Variants in ANKFY1 observed in about 807,000 individuals in gnomAD.
The protein encoded by ANKFY1 is ankyrin repeat and FYVE domain containing 1.
Under a neutral mutation model 128.3 loss-of-function variants are expected in ANKFY1, and 47 were observed. That is an observed-to-expected ratio of 0.37 (90% confidence interval 0.29 to 0.47). The LOEUF (loss-of-function observed/expected upper bound fraction) is 0.47. Among genes scored for constraint, ANKFY1 ranks in the 20% least tolerant of loss-of-function variants. The pLI is 1.00. For synonymous variants in ANKFY1, 553 were observed against 601.6 expected (o/e 0.92, Z 1.18); for missense variants, 1,222 against 1,510.6 (o/e 0.81, Z 3.17).
At chr17:4,216,157 C>G (rs1426578878) in intron 4 of ANKFY1, among the ~76,000 whole-genome samples, 2 of 152,176 alleles carry the variant, frequency 1.3e-5, no homozygotes, top group South Asian at 4.1e-4. Context: ...CAGCCCATGA[C>G]GAAAACAGCA....
chr17:4,187,421 T>G (rs191133453), intron 11 of ANKFY1: 8 of 396,170 alleles, frequency 2.0e-5, no homozygotes, highest in Non-Finnish European at 3.6e-5. Context: ...GGCAGTTTTC[T>G]CAGCTCCAGA....
At chr17:4,179,281 CAT>C (rs766535085) in intron 17 of ANKFY1, 34 of 591,372 alleles carry the variant, frequency 5.7e-5, no homozygotes, top group Admixed American at 3.2e-4. Flanking sequence ...CCAGCACAAA[CAT>C]GTGTTTCACA....
At chr17:4,224,214 G>GTTTTTT (rs33995900) in intron 3 of ANKFY1, among the ~76,000 whole-genome samples, 1 of 66,722 alleles carries the variant, frequency 1.5e-5, no homozygotes. Flanking sequence ...CACCTTTGAA[G>GTTTTTT]TTTTTTTTTT....
At position 4,255,486 on chromosome 17, in the gene ANKFY1, G is replaced by A. The variant is rs1968068797; in HGVS notation, c.10+8446C>T. ...GCTGGTCTTGAACTCCTGACCTGAG[G>A]TGATCCCCTGGCCTCGGCCTCCCAA... On this transcript the variant is annotated intron_variant, in intron 1 of 24. Transcript: ENST00000341657. Among the ~76,000 whole-genome samples the A allele has an allele frequency of 2.6e-5, 4 of 152,112 alleles. No homozygotes were observed. In the South Asian group the frequency reaches 8.3e-4, roughly 32 times the overall value.
At chr17:4,257,762 T>A (rs758186762) in intron 1 of ANKFY1, among the ~76,000 whole-genome samples, 38 of 152,250 alleles carry the variant, frequency 2.5e-4, no homozygotes, top group Non-Finnish European at 7.3e-5. Context: ...AAGCTTTAGT[T>A]CTGGCTATTC....
At chr17:4,220,011 G>A (rs944557911) in intron 3 of ANKFY1, among the ~76,000 whole-genome samples, 3 of 152,142 alleles carry the variant, frequency 2.0e-5, no homozygotes, top group African/African-American at 7.2e-5. Context: ...TTTTAGTTGA[G>A]ATGGGGTTTC....
intron 1 of ANKFY1, among the ~76,000 whole-genome samples, chr17:4,243,048 TCTC>T (rs1266236754): frequency 6.6e-6 from 1 of 152,112 alleles, no homozygotes; most frequent in African/African-American, 2.4e-5. Flanking sequence ...TTAATCTCTC[TCTC>T]TTTTTTTGTT....
chr17:4,261,709 G>C (rs1457995847), intron 1 of ANKFY1, among the ~76,000 whole-genome samples: 1 of 152,218 alleles, frequency 6.6e-6, no homozygotes, highest in Non-Finnish European at 1.5e-5. Flanking sequence ...CACAGCAGGT[G>C]CTCAGTAAAG....
chr17:4,187,127 T>A lies in ANKFY1; in HGVS notation c.1471-2081A>T, dbSNP rs1230040408. ...TGAGCAGTGTACACTGTACCCAGTA[T>A]CACCCTTTTATCCCCCACCGCCCTC... On this transcript the variant is annotated intron_variant, in intron 11 of 24. Transcript: ENST00000341657. 52 of 763,890 alleles carry A rather than the reference T, an allele frequency of 6.8e-5. No individual in the cohort carries two copies. In the East Asian group the frequency reaches 1.8e-3, roughly 26 times the overall value. 47.3% of individuals were successfully genotyped at this position (763,890 alleles called of 1,614,324 possible). A position where few individuals can be genotyped will look rare whatever the true frequency, so the allele number is the denominator to read the frequency against.
At chr17:4,230,596 A>G (rs1051930569) in intron 3 of ANKFY1, among the ~76,000 whole-genome samples, 10 of 151,954 alleles carry the variant, frequency 6.6e-5, no homozygotes, top group African/African-American at 2.4e-4. Flanking sequence ...TTCTCTTCCC[A>G]CTTGGTCAAT....
In ANKFY1 at chr17:4,183,435, G is replaced by A; in HGVS notation, c.1915C>T (p.Leu639Phe). Reference sequence around the variant, plus strand: ...TCTGCCTGGTGCTCCAGCAGGAAGAGTGCGCTCTTGCTGTCCTGCCGCTGT... The same window carrying A: ...TCTGCCTGGTGCTCCAGCAGGAAGAATGCGCTCTTGCTGTCCTGCCGCTGT... The part of the protein sequence containing the change: ...AIQRQDSKSA[L>F]FLLEHQADIN... Residue 639 changes from leucine (L) to phenylalanine (F), a missense_variant, in exon 14 of 25, where the codon CTC becomes TTC. Coordinates refer to ENST00000341657, the MANE Select transcript of ANKFY1 (RefSeq NM_001330063.2). 2.5e-6 allele frequency: 4 copies of A among 1,613,918 alleles called. No individual in the cohort carries two copies. The highest frequency in any genetic ancestry group is 3.4e-6 in the Non-Finnish European group (4 of 1,180,034).
chr17:4,179,766 C>G lies in ANKFY1; in HGVS notation c.2352G>C (p.Glu784Asp). 1 of 1,614,246 alleles carries G rather than the reference C, an allele frequency of 6.2e-7. No homozygotes were observed. The highest frequency in any genetic ancestry group is 8.5e-7 in the Non-Finnish European group (1 of 1,180,052). ...CAAACTCCAGAAGACACTGTACTGT[C>G]TCTTCCAGCCCCCAAGAGGCTGCCA... ...LHLAASWGLEETVQCLLEFGA... is the reference protein window; with the variant it reads ...LHLAASWGLEDTVQCLLEFGA... Residue 784 changes from glutamate (E) to aspartate (D), a missense_variant, in exon 17 of 25, where the codon GAG becomes GAC. Transcript: ENST00000341657.
At chr17:4,217,287 G>T (rs908856732) in intron 3 of ANKFY1, among the ~76,000 whole-genome samples, 169 bp from the exon 4 acceptor site, 1 of 152,174 alleles carries the variant, frequency 6.6e-6, no homozygotes, top group Non-Finnish European at 1.5e-5. Context: ...AGTGGCTCAC[G>T]CCTGTAATCC....
At chr17:4,213,938 A>C (rs1027856868) in intron 4 of ANKFY1, among the ~76,000 whole-genome samples, 11 of 152,168 alleles carry the variant, frequency 7.2e-5, no homozygotes, top group African/African-American at 2.4e-4. Flanking sequence ...GTAGCACACC[A>C]CAGCAATGTC....
At chr17:4,180,075 G>A in intron 16 of ANKFY1, 198 bp from the exon 17 acceptor site, 2 of 648,506 alleles carry the variant, frequency 3.1e-6, no homozygotes, top group South Asian at 2.0e-5. Flanking sequence ...GGTCTTGGGG[G>A]TGGGCAACCC....
intron 7 of ANKFY1, among the ~76,000 whole-genome samples, chr17:4,199,508 A>G (rs918105286): frequency 3.3e-5 from 5 of 152,188 alleles, no homozygotes; most frequent in African/African-American, 1.2e-4. Flanking sequence ...CATTAATTTT[A>G]ATAGTTTCAT....
rs559984116 is a variant in ANKFY1, at chr17:4,198,280, C to A, written c.899-703G>T. 8.5e-5 allele frequency among the ~76,000 whole-genome samples: 13 copies of A among 152,198 alleles called. No homozygotes were observed. The East Asian group carries it at 2.3e-3, about 27-fold the overall frequency. On this transcript the variant is annotated intron_variant, in intron 7 of 24. Coordinates refer to ENST00000341657, the MANE Select transcript of ANKFY1 (RefSeq NM_001330063.2). ...TGACCACAGCTTGTACCTAACTAAG[C>A]AACACCTACCCCCATTCTGCTGTAC...
intron 11 of ANKFY1, among the ~76,000 whole-genome samples, chr17:4,185,953 T>G (rs1366886585): frequency 1.3e-5 from 2 of 152,184 alleles, no homozygotes; most frequent in African/African-American, 4.8e-5. Context: ...CATCTTGAGC[T>G]CTGATCAAGA....
intron 7 of ANKFY1, among the ~76,000 whole-genome samples, chr17:4,203,506 C>A (rs575020056): frequency 1.3e-5 from 2 of 152,126 alleles, no homozygotes; most frequent in East Asian, 3.9e-4. Context: ...CTAAAAATAA[C>A]AGGAACAATC....
Sources: allele counts gnomAD v4.1 joint callset (sites outside exome capture counted in the v4.1 genomes callset), GRCh38; gene constraint gnomAD v4.1.1; transcripts MANE v1.5; gene names NCBI Gene and HGNC (gene_info 2026-07-23, HGNC 2026-07-21).